PPP1R13B: variants seen among roughly 807,000 people sequenced by gnomAD.
PPP1R13B encodes the protein apoptosis-stimulating of p53 protein 1.
A neutral mutation model predicts 119.8 loss-of-function variants in PPP1R13B; 44 were observed. The observed-to-expected ratio is 0.37, with a 90% CI of 0.29 to 0.47. PPP1R13B has a LOEUF of 0.47. Ranked by LOEUF, PPP1R13B falls within the 20% of genes least tolerant of loss-of-function variation. The pLI is 0.99. For synonymous variants in PPP1R13B, 542 were observed against 561.5 expected (o/e 0.97, Z 0.49); for missense variants, 1,227 against 1,413.5 (o/e 0.87, Z 2.12).
chr14:103,740,235 G>A lies in PPP1R13B; in HGVS notation c.2181C>T (p.Tyr727=), dbSNP rs2084220281. Residue 727 remains tyrosine (Y), a synonymous_variant, in exon 12 of 17, where the codon TAC becomes TAT. Transcript: ENST00000202556. The surrounding 1 kb of genome is among the most constrained non-coding windows in gnomAD (Gnocchi z 4.6). ...PGGPNIQKLL[Y]QRFNTLAGGM... is the part of the protein sequence containing the mutation. Reference sequence around the variant, plus strand: ...CACCGGCCAGGGTGTTGAAGCGCTGGTACAGCAGCTTCTGGATGTTGGGCC... The same window carrying A: ...CACCGGCCAGGGTGTTGAAGCGCTGATACAGCAGCTTCTGGATGTTGGGCC... 4.3e-6 allele frequency: 7 copies of A among 1,609,882 alleles called. No homozygotes were observed. The highest frequency in any genetic ancestry group is 4.2e-6 in the Non-Finnish European group (5 of 1,177,412).
chr14:103,736,220 T>TG lies in PPP1R13B; in HGVS notation c.3032-19dup, dbSNP rs1567078077. ...CTGCACCCCTGGAGCCAGAGAGCAATGGTCAGGCCTCAGCAGAGGGTGGCC... is the reference window on the plus strand; with the variant it reads ...CTGCACCCCTGGAGCCAGAGAGCAATGGGTCAGGCCTCAGCAGAGGGTGGCC... On this transcript the variant is annotated intron_variant, in intron 15 of 16. Transcript: ENST00000202556. The TG allele has an allele frequency of 6.2e-7, 1 of 1,610,366 alleles. No individual in the cohort carries two copies. The highest frequency in any genetic ancestry group is 8.5e-7 in the Non-Finnish European group (1 of 1,178,640).
intron 1 of PPP1R13B, among the ~76,000 whole-genome samples, chr14:103,830,421 A>G (rs1268656358): frequency 6.6e-6 from 1 of 152,106 alleles, no homozygotes; most frequent in Non-Finnish European, 1.5e-5. Flanking sequence ...TTATGTAACA[A>G]CTCATTTAAA....
intron 2 of PPP1R13B, among the ~76,000 whole-genome samples, chr14:103,787,778 C>T (rs1054797518): frequency 1.3e-4 from 19 of 151,666 alleles, no homozygotes; most frequent in African/African-American, 3.1e-4. Flanking sequence ...CTCAGCCTCC[C>T]GAATAGCTGG....
chr14:103,794,328 G>T (rs74945105), intron 2 of PPP1R13B, among the ~76,000 whole-genome samples: 117 of 140,694 alleles, frequency 8.3e-4, no homozygotes, highest in Non-Finnish European at 6.3e-4. Flanking sequence ...TTTGTTTTTT[G>T]TTTTTTTTTT....
intron 16 of PPP1R13B, 130 bp downstream of exon 16, chr14:103,735,873 C>G: frequency 9.9e-7 from 1 of 1,011,622 alleles, no homozygotes; most frequent in Non-Finnish European, 1.5e-6. Flanking sequence ...AGGCACCTCC[C>G]CCTCTACAGA....
chr14:103,826,199 G>A (rs953539878), intron 1 of PPP1R13B, among the ~76,000 whole-genome samples: 1 of 151,988 alleles, frequency 6.6e-6, no homozygotes, highest in Non-Finnish European at 1.5e-5. Flanking sequence ...TATGCACTGA[G>A]AAACCAAAAA....
At chr14:103,736,845 T>C (rs2084126558) in intron 15 of PPP1R13B, 1 of 153,674 alleles carries the variant, frequency 6.5e-6, no homozygotes, top group Non-Finnish European at 1.4e-5. Flanking sequence ...CATGGCTGTT[T>C]TCATGGATAA....
At chr14:103,787,431 T>C (rs868301188) in intron 2 of PPP1R13B, among the ~76,000 whole-genome samples, 27 of 151,622 alleles carry the variant, frequency 1.8e-4, no homozygotes, top group Admixed American at 3.3e-4. Context: ...CACTCCAGCC[T>C]GGGTGACAGA....
intron 1 of PPP1R13B, among the ~76,000 whole-genome samples, chr14:103,825,406 T>C (rs1398406051): frequency 1.3e-5 from 2 of 152,206 alleles, no homozygotes; most frequent in East Asian, 1.9e-4. Context: ...AAAGCTGAGA[T>C]AGGCTGAAAG....
chr14:103,764,527 T>C (rs953314751), intron 4 of PPP1R13B: 2 of 327,262 alleles, frequency 6.1e-6, no homozygotes, highest in Non-Finnish European at 1.2e-5. Context: ...AAGTACAAAA[T>C]ACATCCACAA....
chr14:103,792,399 A>T (rs1025500379), intron 2 of PPP1R13B, among the ~76,000 whole-genome samples: 1 of 152,084 alleles, frequency 6.6e-6, no homozygotes, highest in African/African-American at 2.4e-5. Context: ...GTTGGTCTCG[A>T]AGTTCTGGGC....
intron 1 of PPP1R13B, among the ~76,000 whole-genome samples, chr14:103,832,300 C>T (rs1426118746): frequency 6.6e-6 from 1 of 152,092 alleles, no homozygotes; most frequent in Non-Finnish European, 1.5e-5. Context: ...GGTCAGGCTG[C>T]CCACCTTCAG....
chr14:103,782,126 C>G lies in PPP1R13B; in HGVS notation c.277+2669G>C, dbSNP rs371983161. Among the ~76,000 whole-genome samples the G allele has an allele frequency of 6.6e-5, 10 of 152,254 alleles. No homozygotes were observed. The South Asian group carries it at 2.1e-3, about 32-fold the overall frequency. On this transcript the variant is annotated intron_variant, in intron 3 of 16. Coordinates refer to ENST00000202556, the MANE Select transcript of PPP1R13B (RefSeq NM_015316.3). ...TCTACAGCCACTTTTCCCTTTCCCCCCAGGCCAACAACATCCCCAGTTGCG... is the reference window on the plus strand; with the variant it reads ...TCTACAGCCACTTTTCCCTTTCCCCGCAGGCCAACAACATCCCCAGTTGCG...
intron 2 of PPP1R13B, 137 bp downstream of exon 2, chr14:103,797,234 A>T: frequency 1.3e-6 from 1 of 754,678 alleles, no homozygotes; most frequent in Non-Finnish European, 2.0e-6. Context: ...TCCATTTGAT[A>T]AATACTAAAT....
At chr14:103,761,894 C>G (rs1463231304) in intron 4 of PPP1R13B, among the ~76,000 whole-genome samples, 1 of 152,136 alleles carries the variant, frequency 6.6e-6, no homozygotes, top group Non-Finnish European at 1.5e-5. Flanking sequence ...AGTCAGAGAA[C>G]AGACTCTGGT....
rs2084495186 is a variant in PPP1R13B, at chr14:103,749,842, G to A, written c.921C>T (p.Asp307=). 5.0e-6 allele frequency: 8 copies of A among 1,614,002 alleles called. No individual in the cohort carries two copies. The highest frequency in any genetic ancestry group is 6.8e-6 in the Non-Finnish European group (8 of 1,179,996). Residue 307 remains aspartate, a synonymous_variant, in exon 8 of 17, where the codon GAC becomes GAT. Transcript: ENST00000202556. The part of the protein sequence containing the change: ...NKRNMEVAMM[D]KRISELRERL... The stretch of plus-strand genomic sequence containing the variant: ...GTTCACGCAGTTCACTGATTCGCTT[G>A]TCCATCATGGCCACCTCCATGTTGC...
chr14:103,826,819 T>C (rs568374378), intron 1 of PPP1R13B, among the ~76,000 whole-genome samples: 6 of 150,764 alleles, frequency 4.0e-5, no homozygotes, highest in Admixed American at 1.3e-4. Context: ...CCATCCTGGC[T>C]AACAAGGTGA....
chr14:103,789,133 C>A (rs189181122), intron 2 of PPP1R13B, among the ~76,000 whole-genome samples: 13 of 152,348 alleles, frequency 8.5e-5, no homozygotes, highest in Admixed American at 6.5e-4. Context: ...ATTTATACCT[C>A]ATGAGCTGAC....
At position 103,847,534 on chromosome 14, in the gene PPP1R13B, G is replaced by GCCTCAA. The variant is rs2087084768; in HGVS notation, c.-233_-228dup. The GCCTCAA allele has an allele frequency of 5.1e-6, 5 of 985,656 alleles. No homozygotes were observed. Among genetic ancestry groups the GCCTCAA allele is most frequent in the African/African-American group, 1.8e-5 (1 of 56,712 alleles). The allele number at this position is 985,656 out of a possible 1,614,324, so 61.1% of individuals were successfully genotyped here. ...CGGGCACCCGGCCGCCGCCGCCGCC[G>GCCTCAA]CCTCAACCTCAGCCTCAGCCTCAGC... On this transcript the variant is annotated 5_prime_UTR_variant, in exon 1 of 17. Coordinates refer to ENST00000202556, the MANE Select transcript of PPP1R13B (RefSeq NM_015316.3).
Sources: allele counts gnomAD v4.1 joint callset (sites outside exome capture counted in the v4.1 genomes callset), GRCh38; gene constraint gnomAD v4.1.1; non-coding constraint Gnocchi (gnomAD v3.1); transcripts MANE v1.5; gene names NCBI Gene and HGNC (gene_info 2026-07-23, HGNC 2026-07-21).